The following KIFAP3 variants were observed in gnomAD, a reference collection of about 807,000 sequenced individuals.
The protein encoded by KIFAP3 is kinesin-associated protein 3.
Under a neutral mutation model 106.5 loss-of-function variants are expected in KIFAP3, and 68 were observed. The observed-to-expected ratio is 0.64, with a 90% CI of 0.53 to 0.78. KIFAP3 has a LOEUF of 0.78. KIFAP3 is among the 30% of genes least tolerant of loss of function. KIFAP3 has a pLI of 0.00. For missense variants in KIFAP3, 780 were observed against 941.8 expected (o/e 0.83, Z 2.25); for synonymous variants, 320 against 311.5 (o/e 1.03, Z -0.29).
At chr1:169,930,932 T>C (rs1298154339) in intron 19 of KIFAP3, among the ~76,000 whole-genome samples, 4 of 100,316 alleles carry the variant, frequency 4.0e-5, no homozygotes, top group African/African-American at 1.4e-4. Context: ...TTTTTTTTTT[T>C]TTTTGAGGTG....
intron 16 of KIFAP3, among the ~76,000 whole-genome samples, chr1:169,976,523 A>G (rs41496844): frequency 0.1 from 15,913 of 152,190 alleles, 988 homozygotes; most frequent in East Asian, 0.19. Context: ...ACACTGTTCA[A>G]AAGCATATTT....
At chr1:170,004,388 C>A (rs1383727564) in intron 10 of KIFAP3, among the ~76,000 whole-genome samples, 1 of 152,138 alleles carries the variant, frequency 6.6e-6, no homozygotes, top group East Asian at 1.9e-4. Context: ...AAAAAGACCC[C>A]GCATTGCCAA....
At chr1:170,031,367 G>A (rs887037377) in intron 8 of KIFAP3, among the ~76,000 whole-genome samples, 6 of 151,508 alleles carry the variant, frequency 4.0e-5, no homozygotes, top group East Asian at 1.9e-4. Context: ...GTATAAATCC[G>A]GACTTAAATT....
intron 19 of KIFAP3, among the ~76,000 whole-genome samples, chr1:169,933,107 T>C (rs537072149): frequency 6.6e-6 from 1 of 152,018 alleles, no homozygotes; most frequent in Admixed American, 6.6e-5. Context: ...CAGCTAAGCA[T>C]GATAACTTAA....
intron 10 of KIFAP3, among the ~76,000 whole-genome samples, chr1:169,998,393 TATATATACACACACACAC>T (rs1407160972): frequency 8.3e-5 from 9 of 108,806 alleles, no homozygotes; most frequent in African/African-American, 2.7e-4. Flanking sequence ...TATATATATA[TATATATACACACACACAC>T]ACACACACAC....
chr1:170,054,043 A>G (rs1314863095), intron 2 of KIFAP3, among the ~76,000 whole-genome samples: 2 of 152,246 alleles, frequency 1.3e-5, no homozygotes, highest in Non-Finnish European at 2.9e-5. Flanking sequence ...AACTAACATC[A>G]GAGTGAACAG....
chr1:169,961,747 T>C (rs1241842054), intron 17 of KIFAP3, among the ~76,000 whole-genome samples: 2 of 152,198 alleles, frequency 1.3e-5, no homozygotes, highest in African/African-American at 4.8e-5. Flanking sequence ...CACTTCCACT[T>C]GGTGAATAGT....
chr1:170,062,522 C>G (rs1671232595), intron 1 of KIFAP3, among the ~76,000 whole-genome samples: 1 of 152,162 alleles, frequency 6.6e-6, no homozygotes, highest in Admixed American at 6.5e-5. Flanking sequence ...CAAAAAAGCT[C>G]TGGTCAAGGT....
chr1:169,962,907 T>C (rs1665411505), intron 17 of KIFAP3, among the ~76,000 whole-genome samples: 2 of 152,186 alleles, frequency 1.3e-5, no homozygotes, highest in South Asian at 4.1e-4. Context: ...TTTTTGACTA[T>C]AGTAATGCTA....
intron 9 of KIFAP3, 189 bp downstream of exon 9, chr1:170,024,229 C>T: frequency 7.2e-6 from 3 of 414,988 alleles, no homozygotes; most frequent in East Asian, 7.5e-5. Flanking sequence ...CAGAAAGCTT[C>T]AATCACCTGG....
intron 10 of KIFAP3, among the ~76,000 whole-genome samples, chr1:170,014,838 A>T (rs1668427313): frequency 6.6e-6 from 1 of 152,140 alleles, no homozygotes; most frequent in Admixed American, 6.5e-5. Context: ...AGTAGCCAAT[A>T]TTTACTAAGA....
chr1:169,940,881 C>A lies in KIFAP3; in HGVS notation c.2273+13130G>T, dbSNP rs147392001. On this transcript the variant is annotated intron_variant, in intron 19 of 19. Coordinates refer to ENST00000361580, the MANE Select transcript of KIFAP3 (RefSeq NM_014970.4). The stretch of plus-strand genomic sequence containing the variant: ...ACTGTTCATGTCCCCAAAACAAATT[C>A]TTTTGAGCAGTTGCACTTGTTTAAG... 3.0e-3 allele frequency among the ~76,000 whole-genome samples: 449 copies of A among 151,766 alleles called. 1 individual carries two copies. Among genetic ancestry groups the A allele is most frequent in the Non-Finnish European group, 5.3e-3 (359 of 67,944 alleles).
chr1:170,071,829 A>G (rs183429336), intron 1 of KIFAP3, among the ~76,000 whole-genome samples: 1 of 152,268 alleles, frequency 6.6e-6, no homozygotes, highest in Non-Finnish European at 1.5e-5. Flanking sequence ...TATCCAAACC[A>G]CAGCAAATAT....
intron 16 of KIFAP3, among the ~76,000 whole-genome samples, chr1:169,974,023 A>G (rs1479201009): frequency 6.6e-6 from 1 of 151,912 alleles, no homozygotes; most frequent in African/African-American, 2.4e-5. Context: ...TTGGATAGCA[A>G]ATAACATGGA....
chr1:170,065,266 T>C (rs1671376818), intron 1 of KIFAP3, among the ~76,000 whole-genome samples: 1 of 152,226 alleles, frequency 6.6e-6, no homozygotes, highest in South Asian at 2.1e-4. Context: ...CTTAAAAGTA[T>C]ATTTTTTGGG....
chr1:170,039,367 T>C, intron 3 of KIFAP3, 79 bp from the exon 4 acceptor site: 1 of 728,074 alleles, frequency 1.4e-6, no homozygotes, highest in Non-Finnish European at 2.3e-6. Flanking sequence ...GCAGCTGAGT[T>C]TAACTCTAGG....
In KIFAP3 at chr1:170,011,928, T is replaced by C. The variant is rs115941963; in HGVS notation, c.1183+4534A>G. On this transcript the variant is annotated intron_variant, in intron 10 of 19. Transcript: ENST00000361580. ...TCTAGTAATATCATGAAATCAATTA[T>C]ACACTAAATGCAATTTCTTTGAACA... Among the ~76,000 whole-genome samples the C allele has an allele frequency of 4.3e-3, 655 of 152,260 alleles. 2 individuals are homozygous for C. Among genetic ancestry groups the C allele is most frequent in the Non-Finnish European group, 7.3e-3 (494 of 68,002 alleles).
intron 18 of KIFAP3, chr1:169,958,316 T>A (rs1432434090): frequency 6.6e-6 from 1 of 152,254 alleles, no homozygotes; most frequent in African/African-American, 2.4e-5. Flanking sequence ...AGTCTTGAAC[T>A]CCTGGCCTCA....
rs554072107 is a variant in KIFAP3 at position 170,008,062 on chromosome 1, C to T, written c.1183+8400G>A. Among the ~76,000 whole-genome samples, 14 of 151,952 alleles carry T rather than the reference C, an allele frequency of 9.2e-5. No homozygotes were observed. The South Asian group carries it at 1.1e-3, about 11-fold the overall frequency. ...AAATGGTGTTGGGAAAACTGGCTAG[C>T]CATATGCAGAAAACTACAACTGGAC... On this transcript the variant is annotated intron_variant, in intron 10 of 19. Transcript: ENST00000361580.
Sources: gnomAD v4.1 joint callset for allele counts (sites outside exome capture counted in the v4.1 genomes callset) on GRCh38, gnomAD v4.1.1 for gene constraint, MANE v1.5 for transcripts, NCBI Gene and HGNC (gene_info 2026-07-23, HGNC 2026-07-21) for gene names.